CENPP: variants seen among roughly 807,000 people sequenced by gnomAD.
CENPP encodes centromere protein P.
A neutral mutation model predicts 35.6 loss-of-function variants in CENPP; 24 were observed. The observed-to-expected ratio is 0.67, with a 90% confidence interval of 0.49 to 0.95. The LOEUF is 0.95. CENPP is among the 40% of genes least tolerant of loss of function. The pLI is 0.00. For synonymous variants in CENPP, 120 were observed against 125.5 expected, an observed-to-expected ratio of 0.96 and a Z score of 0.29; for missense variants, 332 against 345.3, an observed-to-expected ratio of 0.96 and a Z score of 0.31.
intron 5 of CENPP, among the ~76,000 whole-genome samples, chr9:92,416,216 C>T (rs1325526014): frequency 2.0e-5 from 3 of 151,392 alleles, no homozygotes; most frequent in South Asian, 2.1e-4. Flanking sequence ...TCTCATGCCT[C>T]GGCCTCTTAA....
intron 5 of CENPP, among the ~76,000 whole-genome samples, chr9:92,554,266 C>T (rs572078850): frequency 1.3e-5 from 2 of 152,172 alleles, no homozygotes; most frequent in Non-Finnish European, 2.9e-5. Flanking sequence ...TCACTGCAAC[C>T]TCTGCCTCCC....
At chr9:92,480,713 C>T (rs1845882134) in intron 5 of CENPP, among the ~76,000 whole-genome samples, 2 of 152,044 alleles carry the variant, frequency 1.3e-5, no homozygotes, top group East Asian at 3.9e-4. Flanking sequence ...GTTTAAAGGC[C>T]CGCTTGGCAA....
At chr9:92,417,292 A>G in intron 5 of CENPP, 1 of 1,614,096 alleles carries the variant, frequency 6.2e-7, no homozygotes, top group Non-Finnish European at 8.5e-7. Context: ...TGTGCATCGG[A>G]ATATTTGGGA....
In CENPP at chr9:92,550,660, G is replaced by A. The variant is rs552808918; in HGVS notation, c.565-60654G>A. On this transcript the variant is annotated intron_variant, in intron 5 of 7. Coordinates refer to ENST00000375587, the MANE Select transcript of CENPP (RefSeq NM_001012267.3). ...GCATGTAAAGGGATGTAAGGGTTGAGGCAAGAGTACAAATGAAGTTTCACA... is the reference window on the plus strand; with the variant it reads ...GCATGTAAAGGGATGTAAGGGTTGAAGCAAGAGTACAAATGAAGTTTCACA... Among the ~76,000 whole-genome samples the A allele has an allele frequency of 2.0e-5, 3 of 152,144 alleles. No individual in the cohort carries two copies. The East Asian group carries it at 5.8e-4, about 29-fold the overall frequency.
chr9:92,435,746 A>G (rs956723180), intron 5 of CENPP, among the ~76,000 whole-genome samples: 2 of 152,186 alleles, frequency 1.3e-5, no homozygotes, highest in African/African-American at 4.8e-5. Flanking sequence ...TCACTGGTTT[A>G]TTCCTTTTTA....
intron 1 of CENPP, among the ~76,000 whole-genome samples, chr9:92,330,835 C>T (rs534113172): frequency 2.0e-5 from 3 of 151,850 alleles, no homozygotes; most frequent in Non-Finnish European, 2.9e-5. Flanking sequence ...ATTACAGGCA[C>T]CCGCCACCAC....
intron 5 of CENPP, chr9:92,536,041 G>A (rs1181255505): frequency 2.0e-6 from 1 of 503,622 alleles, no homozygotes; most frequent in South Asian, 1.5e-5. Flanking sequence ...AGAAGGGAAT[G>A]TTGAAAAGTA....
chr9:92,417,635 T>C (rs952119743), intron 5 of CENPP: 1 of 853,082 alleles, frequency 1.2e-6, no homozygotes, highest in Non-Finnish European at 1.8e-6. Context: ...ATACGCTTTG[T>C]ATAAATTCTC....
At position 92,337,564 on chromosome 9, in the gene CENPP, C is replaced by A; in HGVS notation, c.313C>A (p.His105Asn). 6.2e-7 allele frequency: 1 copy of A among 1,606,042 alleles called. No homozygotes were observed. The highest frequency in any genetic ancestry group is 8.5e-7 in the Non-Finnish European group (1 of 1,172,774). The change falls in exon 3 of 8, where the codon CAC (histidine) becomes AAC (asparagine). Residue 105 changes from histidine to asparagine, a missense_variant. Transcript: ENST00000375587. Reference sequence around the variant, plus strand: ...AGGTATTAGAAAAGTTCTACAGAGACACAGATTATCAGGAAATTGCCACAT... The same window carrying A: ...AGGTATTAGAAAAGTTCTACAGAGAAACAGATTATCAGGAAATTGCCACAT... ...EKSIRKVLQRHRLSGNCHMVT... is the reference protein window; with the variant it reads ...EKSIRKVLQRNRLSGNCHMVT...
intron 5 of CENPP, among the ~76,000 whole-genome samples, chr9:92,530,096 A>G (rs1848653541): frequency 6.6e-6 from 1 of 152,178 alleles, no homozygotes; most frequent in Admixed American, 6.5e-5. Flanking sequence ...TTATATGCAA[A>G]TACTACACCA....
chr9:92,380,547 C>T (rs1228143349), intron 5 of CENPP, among the ~76,000 whole-genome samples: 1 of 140,544 alleles, frequency 7.1e-6, no homozygotes, highest in East Asian at 1.9e-4. Context: ...TGTACTAACT[C>T]TCCTTTATTT....
At chr9:92,554,918 G>A (rs147598391) in intron 5 of CENPP, among the ~76,000 whole-genome samples, 61 of 152,224 alleles carry the variant, frequency 4.0e-4, no homozygotes, top group African/African-American at 1.4e-3. Context: ...TTACAGGCAT[G>A]AGCCACTGCG....
At chr9:92,497,026 T>C (rs772388307) in intron 5 of CENPP, among the ~76,000 whole-genome samples, 9 of 151,636 alleles carry the variant, frequency 5.9e-5, no homozygotes, top group Non-Finnish European at 1.0e-4. Flanking sequence ...GAATGCAAAA[T>C]GGTGCGCCAC....
At chr9:92,569,537 T>G (rs914712412) in intron 5 of CENPP, among the ~76,000 whole-genome samples, 11 of 152,192 alleles carry the variant, frequency 7.2e-5, no homozygotes, top group African/African-American at 9.6e-5. Context: ...TTGTTCTTTT[T>G]GCTTAGGATT....
intron 5 of CENPP, among the ~76,000 whole-genome samples, chr9:92,580,427 G>T (rs1039313774): frequency 6.6e-6 from 1 of 152,066 alleles, no homozygotes; most frequent in Non-Finnish European, 1.5e-5. Context: ...GAATCCATCT[G>T]GTCCTGGACT....
chr9:92,573,037 C>T (rs1310206080), intron 5 of CENPP, among the ~76,000 whole-genome samples: 1 of 152,104 alleles, frequency 6.6e-6, no homozygotes, highest in Non-Finnish European at 1.5e-5. Context: ...TGGGTTCGAA[C>T]ATCCTCCTTT....
chr9:92,478,628 A>G (rs1845798134), intron 5 of CENPP, among the ~76,000 whole-genome samples: 1 of 151,652 alleles, frequency 6.6e-6, no homozygotes, highest in Admixed American at 6.6e-5. Context: ...AATTTTTTAT[A>G]TTTTTGTAGA....
intron 5 of CENPP, among the ~76,000 whole-genome samples, chr9:92,595,488 G>A (rs1047602689): frequency 5.3e-5 from 8 of 151,792 alleles, no homozygotes; most frequent in Admixed American, 2.6e-4. Flanking sequence ...GCAATCATCC[G>A]GCCTTACACT....
At chr9:92,569,220 C>T (rs1850072495) in intron 5 of CENPP, among the ~76,000 whole-genome samples, 1 of 152,196 alleles carries the variant, frequency 6.6e-6, no homozygotes, top group Non-Finnish European at 1.5e-5. Context: ...TTAGGTCTAA[C>T]ATTTAAATCT....
Sources: gnomAD v4.1 joint callset for allele counts (sites outside exome capture counted in the v4.1 genomes callset) on GRCh38, gnomAD v4.1.1 for gene constraint, MANE v1.5 for transcripts, NCBI Gene and HGNC (gene_info 2026-07-23, HGNC 2026-07-21) for gene names.